Variants in LAMA1 observed in about 807,000 individuals in gnomAD.
The protein encoded by LAMA1 is laminin subunit alpha-1.
A neutral mutation model predicts 348.7 loss-of-function variants in LAMA1; 219 were observed. The ratio of observed to expected loss-of-function variants is 0.63; its 90% CI spans 0.56 to 0.70. The LOEUF is 0.70. LAMA1 is among the 30% of genes least tolerant of loss of function. LAMA1 has a pLI of 0.00. For synonymous variants in LAMA1, 1,487 were observed against 1,491.0 expected, an observed-to-expected ratio of 1.00 and a Z score of 0.06; for missense variants, 3,744 against 3,888.0, an observed-to-expected ratio of 0.96 and a Z score of 0.99.
intron 41 of LAMA1, among the ~76,000 whole-genome samples, chr18:6,981,038 A>G (rs967308074): frequency 5.3e-5 from 8 of 151,664 alleles, no homozygotes; most frequent in African/African-American, 1.5e-4. Flanking sequence ...GGGAGGTGGA[A>G]CTTGCAGTGA....
intron 1 of LAMA1, among the ~76,000 whole-genome samples, chr18:7,093,432 T>C (rs1160270076): frequency 1.3e-5 from 2 of 151,858 alleles, no homozygotes; most frequent in Non-Finnish European, 2.9e-5. Flanking sequence ...AGGCATCAAA[T>C]GTGTGAAAAG....
In LAMA1 at chr18:7,008,560, G is replaced by A. The variant is rs766559367; in HGVS notation, c.4050C>T (p.His1350=). Reference sequence around the variant, plus strand: ...AAAGAGATGCAACCTCTTCTTCTGGGTGCAGCTTTTCAGCCTTTCTGCCAA... The same window carrying A: ...AAAGAGATGCAACCTCTTCTTCTGGATGCAGCTTTTCAGCCTTTCTGCCAA... ...MEVGRKAEKL[H]PEEEVASLLE... The change falls in exon 28 of 63, where the codon CAC becomes CAT. Residue 1350 remains histidine (H), a synonymous_variant. Transcript: ENST00000389658. 1.6e-5 allele frequency: 26 copies of A among 1,613,914 alleles called. No individual in the cohort carries two copies. The South Asian group carries it at 2.5e-4, about 16-fold the overall frequency.
At position 6,965,743 on chromosome 18, in the gene LAMA1, A is replaced by T. The variant is rs1422224111; in HGVS notation, c.7051-311T>A. The T allele has an allele frequency of 1.9e-5, 8 of 428,870 alleles. No homozygotes were observed. The Admixed American group carries it at 3.2e-4, about 17-fold the overall frequency. 26.6% of individuals were successfully genotyped at this position (428,870 alleles called of 1,614,324 possible). ...TCTAAAAAATAAAACCAAAAGACTGAAAGACAGAAATCACCAGCCCATGAG... is the reference window on the plus strand; with the variant it reads ...TCTAAAAAATAAAACCAAAAGACTGTAAGACAGAAATCACCAGCCCATGAG... On this transcript the variant is annotated intron_variant, in intron 49 of 62. Coordinates refer to ENST00000389658, the MANE Select transcript of LAMA1 (RefSeq NM_005559.4).
At chr18:6,979,880 C>T (rs1176835715) in intron 42 of LAMA1, among the ~76,000 whole-genome samples, 2 of 152,188 alleles carry the variant, frequency 1.3e-5, no homozygotes, top group East Asian at 1.9e-4. Flanking sequence ...GCCTGGGCGA[C>T]AGAGCGAGAC....
chr18:7,098,921 G>A (rs1259646190), intron 1 of LAMA1, among the ~76,000 whole-genome samples: 1 of 151,836 alleles, frequency 6.6e-6, no homozygotes, highest in African/African-American at 2.4e-5. Context: ...CCCCTACTGG[G>A]AAGTGAGGAG....
intron 22 of LAMA1, 45 bp downstream of exon 22, chr18:7,015,677 C>T (rs765041755): frequency 1.9e-6 from 3 of 1,610,634 alleles, no homozygotes; most frequent in Admixed American, 3.3e-5. Context: ...CTTGCTACAG[C>T]AAAGCAACTC....
At chr18:7,017,670 A>C (rs1216963867) in intron 19 of LAMA1, among the ~76,000 whole-genome samples, 1 of 152,206 alleles carries the variant, frequency 6.6e-6, no homozygotes, top group Non-Finnish European at 1.5e-5. Context: ...ACATATTTTA[A>C]ATGAGCTACA....
chr18:7,083,180 T>C (rs1368787211), intron 1 of LAMA1, among the ~76,000 whole-genome samples: 1 of 145,726 alleles, frequency 6.9e-6, no homozygotes, highest in East Asian at 2.2e-4. Context: ...GTTCTAAATA[T>C]ATATATATAT....
chr18:7,030,468 T>G (rs2057963742), intron 16 of LAMA1, among the ~76,000 whole-genome samples: 1 of 149,210 alleles, frequency 6.7e-6, no homozygotes, highest in African/African-American at 2.5e-5. Context: ...AGTGAAAAAC[T>G]GATGAAATCA....
At chr18:7,093,832 T>C (rs945918377) in intron 1 of LAMA1, among the ~76,000 whole-genome samples, 7 of 149,652 alleles carry the variant, frequency 4.7e-5, no homozygotes, top group African/African-American at 1.7e-4. Flanking sequence ...TGGAGTGCAG[T>C]GTCACGATAT....
chr18:6,957,938 A>G (rs591527), intron 55 of LAMA1, among the ~76,000 whole-genome samples: 15,279 of 151,912 alleles, frequency 0.1, 2,497 homozygotes, highest in African/African-American at 0.35. Flanking sequence ...CTGCCACCAC[A>G]CCCGGCTAAT....
chr18:7,038,347 T>C (rs1430907543), intron 11 of LAMA1, among the ~76,000 whole-genome samples: 1 of 152,050 alleles, frequency 6.6e-6, no homozygotes, highest in East Asian at 1.9e-4. Context: ...AACTCCCTGT[T>C]CCGGAAACAA....
intron 1 of LAMA1, among the ~76,000 whole-genome samples, chr18:7,099,280 A>G (rs550586166): frequency 1.1e-3 from 170 of 150,578 alleles, no homozygotes; most frequent in African/African-American, 3.5e-3. Context: ...CATGCTCGTT[A>G]AGAGTCATCA....
Position 7,105,911 on chromosome 18 carries a change from C to T in LAMA1, c.61+11749G>A, listed in dbSNP as rs780923334. On this transcript the variant is annotated intron_variant, in intron 1 of 62. Transcript: ENST00000389658. ...AACTGTGGGGAAACCCATTTAAACA[C>T]AAGTGCAACAATGAACCATCAGGTG... Among the ~76,000 whole-genome samples the T allele has an allele frequency of 3.3e-5, 5 of 152,292 alleles. No individual in the cohort carries two copies. The South Asian group carries it at 8.3e-4, about 25-fold the overall frequency.
chr18:7,045,770 A>C (rs1378860648), intron 6 of LAMA1, among the ~76,000 whole-genome samples: 1 of 151,904 alleles, frequency 6.6e-6, no homozygotes, highest in Non-Finnish European at 1.5e-5. Context: ...TGTTGGCCAG[A>C]CTGGTCTCAA....
chr18:7,077,271 G>A (rs1273390998), intron 3 of LAMA1, among the ~76,000 whole-genome samples: 3 of 146,158 alleles, frequency 2.1e-5, no homozygotes, highest in East Asian at 4.0e-4. Context: ...GTGCAGTCTC[G>A]GCTCACTGCA....
chr18:7,058,873 T>G (rs1207255041), intron 3 of LAMA1, among the ~76,000 whole-genome samples: 1 of 152,184 alleles, frequency 6.6e-6, no homozygotes, highest in Non-Finnish European at 1.5e-5. Flanking sequence ...ACTGAAGGAC[T>G]GTCTGTTAGT....
At chr18:7,038,079 G>T (rs2058003420) in intron 11 of LAMA1, among the ~76,000 whole-genome samples, 1 of 152,178 alleles carries the variant, frequency 6.6e-6, no homozygotes, top group South Asian at 2.1e-4. Flanking sequence ...AATGTCTCTT[G>T]CTAAGTCTGA....
At chr18:7,097,866 G>C (rs76211254) in intron 1 of LAMA1, among the ~76,000 whole-genome samples, 6,096 of 149,136 alleles carry the variant, frequency 0.041, 165 homozygotes, top group Non-Finnish European at 0.061. Context: ...CTCTCCCCAC[G>C]GTCTCCCTCT....
Sources: gnomAD v4.1 joint callset for allele counts (sites outside exome capture counted in the v4.1 genomes callset) on GRCh38, gnomAD v4.1.1 for gene constraint, MANE v1.5 for transcripts, NCBI Gene and HGNC (gene_info 2026-07-23, HGNC 2026-07-21) for gene names.